The following NUDT6 variants were observed in gnomAD, a reference collection of about 807,000 sequenced individuals.
NUDT6 encodes nudix hydrolase 6.
A neutral mutation model predicts 36.8 loss-of-function variants in NUDT6; 24 were observed. The observed-to-expected ratio is 0.65, with a 90% CI of 0.47 to 0.92. The LOEUF (loss-of-function observed/expected upper bound fraction) is 0.92, where lower values mean the gene tolerates loss of function less well. NUDT6 is among the 40% of genes least tolerant of loss of function. The pLI is 0.00. For synonymous variants in NUDT6, 163 were observed against 157.0 expected, an observed-to-expected ratio of 1.04 and a Z score of -0.29; for missense variants, 388 against 392.8, an observed-to-expected ratio of 0.99 and a Z score of 0.10.
intron 2 of NUDT6, among the ~76,000 whole-genome samples, chr4:122,915,487 A>ACAAAC (rs1389583994): frequency 2.4e-4 from 33 of 139,518 alleles, no homozygotes; most frequent in African/African-American, 5.9e-4. Flanking sequence ...AAAAAAAAAA[A>ACAAAC]AAAAAAAAAA....
chr4:122,900,059 C>CT (rs35062626), intron 3 of NUDT6, among the ~76,000 whole-genome samples: 1 of 94,814 alleles, frequency 1.1e-5, no homozygotes, highest in African/African-American at 3.7e-5. Flanking sequence ...CCCCCGCCAC[C>CT]CCCCCCCCGG....
At chr4:122,916,830 A>G (rs1727854280) in intron 2 of NUDT6, among the ~76,000 whole-genome samples, 2 of 152,208 alleles carry the variant, frequency 1.3e-5, no homozygotes, top group Non-Finnish European at 2.9e-5. Context: ...TCGGGGCATT[A>G]ATAAGGAAAA....
At chr4:122,901,068 T>C (rs1034553795) in intron 3 of NUDT6, among the ~76,000 whole-genome samples, 8 of 152,166 alleles carry the variant, frequency 5.3e-5, no homozygotes, top group African/African-American at 1.9e-4. Flanking sequence ...TTTTTTTTCC[T>C]AATCTCAAAA....
At position 122,893,092 on chromosome 4, in the gene NUDT6, T is replaced by C. The variant is rs771737486; in HGVS notation, c.687A>G (p.Leu229=). 2.5e-6 allele frequency: 4 copies of C among 1,614,064 alleles called. No individual in the cohort carries two copies. The highest frequency in any genetic ancestry group is 3.4e-6 in the Non-Finnish European group (4 of 1,180,040). ...AATTTATGGTGAATGAATATGGCTTTAGGCGGCAGATGATATACATATCTG... is the reference window on the plus strand; with the variant it reads ...AATTTATGGTGAATGAATATGGCTTCAGGCGGCAGATGATATACATATCTG... ...GKSDMYIICR[L]KPYSFTINFC... Residue 229 remains leucine, a synonymous_variant, in exon 5 of 5, where the codon CTA becomes CTG. Transcript: ENST00000304430.
At chr4:122,913,537 C>CT (rs1727771722) in intron 2 of NUDT6, among the ~76,000 whole-genome samples, 1 of 152,114 alleles carries the variant, frequency 6.6e-6, no homozygotes, top group Admixed American at 6.6e-5. Flanking sequence ...ATTTTTATTC[C>CT]TTGAATCACT....
intron 4 of NUDT6, 175 bp from the exon 5 acceptor site, chr4:122,893,400 T>C: frequency 1.9e-6 from 1 of 534,792 alleles, no homozygotes; most frequent in East Asian, 3.2e-5. Context: ...CAAAATATTT[T>C]CTTACCACTG....
chr4:122,915,488 A>AAAAAAAC (rs1727817001), intron 2 of NUDT6, among the ~76,000 whole-genome samples: 1 of 109,576 alleles, frequency 9.1e-6, no homozygotes, highest in African/African-American at 2.7e-5. Flanking sequence ...AAAAAAAAAA[A>AAAAAAAC]AAAAAAAAAA....
intron 3 of NUDT6, among the ~76,000 whole-genome samples, chr4:122,906,818 CA>C (rs1355342443): frequency 1.3e-5 from 2 of 152,104 alleles, no homozygotes; most frequent in East Asian, 3.9e-4. Context: ...AGCCAAAACC[CA>C]CCAAAACCAA....
chr4:122,910,288 CA>C (rs34691438), intron 3 of NUDT6, among the ~76,000 whole-genome samples: 103,290 of 151,970 alleles, frequency 0.68, 37,135 homozygotes, highest in East Asian at 0.95. Flanking sequence ...TATAAAGAAA[CA>C]AAAAAATCTA....
At chr4:122,918,081 A>C in intron 1 of NUDT6, 1 of 174,364 alleles carries the variant, frequency 5.7e-6, no homozygotes, top group Non-Finnish European at 1.2e-5. Flanking sequence ...AATCTTAAAG[A>C]CAATTATGGA....
Position 122,922,335 on chromosome 4 carries a change from C to A in NUDT6, c.238G>T (p.Ala80Ser). ...AGCCCTTCGTCCCAGGCGCACTTGCCCTGCAAGCCCTTCTGGAAGGCGGCA... is the reference window on the plus strand; with the variant it reads ...AGCCCTTCGTCCCAGGCGCACTTGCACTGCAAGCCCTTCTGGAAGGCGGCA... The part of the protein sequence containing the change: ...DAAAFQKGLQ[A>S]AVQQWRSEGR... Residue 80 changes from alanine (A) to serine (S), a missense_variant and splice_region_variant, in exon 1 of 5, where the codon GCT becomes TCT. Transcript: ENST00000304430. 1.3e-6 allele frequency: 2 copies of A among 1,598,010 alleles called. No homozygotes were observed. The highest frequency in any genetic ancestry group is 2.7e-5 in the African/African-American group (2 of 74,928).
At chr4:122,922,772 G>A, upstream of NUDT6, 2 of 587,126 alleles carry the variant, frequency 3.4e-6, no homozygotes, top group Non-Finnish European at 5.9e-6. Flanking sequence ...AGTTAAGCGG[G>A]GAAAACCTCC....
intron 4 of NUDT6, chr4:122,894,387 T>TC (rs1409797092): frequency 6.6e-6 from 1 of 152,262 alleles, no homozygotes; most frequent in African/African-American, 2.4e-5. Flanking sequence ...GCCCAGGAGT[T>TC]CAAGACCAAC....
chr4:122,910,128 T>C (rs529818282), intron 3 of NUDT6, among the ~76,000 whole-genome samples: 7 of 152,298 alleles, frequency 4.6e-5, no homozygotes, highest in Non-Finnish European at 8.8e-5. Flanking sequence ...TCAGGCAAAT[T>C]TATTAAACAT....
At chr4:122,906,545 C>G (rs1280699882) in intron 3 of NUDT6, among the ~76,000 whole-genome samples, 1 of 152,096 alleles carries the variant, frequency 6.6e-6, no homozygotes, top group Non-Finnish European at 1.5e-5. Flanking sequence ...TAGGAAGTGT[C>G]ACGTATTCTA....
At chr4:122,917,997 G>C in intron 1 of NUDT6, 1 of 345,490 alleles carries the variant, frequency 2.9e-6, no homozygotes, top group African/African-American at 2.1e-5. Context: ...TGTAGTTTTA[G>C]AGTGGACAAA....
At chr4:122,922,234 G>A in intron 1 of NUDT6, 101 bp downstream of exon 1, 3 of 977,526 alleles carry the variant, frequency 3.1e-6, no homozygotes, top group Non-Finnish European at 4.4e-6. Context: ...TTCCCTCTGG[G>A]CTCGACAGTG....
chr4:122,922,641 T>C (rs1728118519), upstream of NUDT6: 19 of 1,372,810 alleles, frequency 1.4e-5, no homozygotes, highest in South Asian at 2.5e-4. Flanking sequence ...ATCGCGGCCG[T>C]ACATTTTAGA....
rs779537007 is a variant in NUDT6 at position 122,922,528 on chromosome 4, G to C, written c.45C>G (p.Ala15=). ...CCGAAGGCCCGGGGCCGTAGGTTCG[G>C]GCAAGCATCGCGCGCCAGCGGCCCC... The part of the protein sequence containing the change: ...LSWGRWRAML[A]RTYGPGPSAG... Residue 15 remains alanine (A), a synonymous_variant, in exon 1 of 5, where the codon GCC becomes GCG. Coordinates refer to ENST00000304430, the MANE Select transcript of NUDT6 (RefSeq NM_007083.5). 8.7e-6 allele frequency: 14 copies of C among 1,605,320 alleles called. No individual in the cohort carries two copies.
Sources: gnomAD v4.1 joint callset for allele counts (sites outside exome capture counted in the v4.1 genomes callset) on GRCh38, gnomAD v4.1.1 for gene constraint, MANE v1.5 for transcripts, NCBI Gene and HGNC (gene_info 2026-07-23, HGNC 2026-07-21) for gene names.